The following FHAD1 variants were observed in gnomAD, a reference collection of about 807,000 sequenced individuals.
The protein encoded by FHAD1 is forkhead-associated domain-containing protein 1.
In FHAD1, 146 loss-of-function variants were observed where a neutral mutation model predicts 191.3. That is an observed-to-expected ratio of 0.76 (90% confidence interval 0.67 to 0.88). The LOEUF is 0.88. FHAD1 is among the 40% of genes least tolerant of loss of function. The probability of loss-of-function intolerance (pLI) is 0.00; values close to 1 mark genes in which losing one functional copy is unlikely to be tolerated. For missense variants in FHAD1, 1,635 were observed against 1,785.8 expected (o/e 0.92, Z 1.52); for synonymous variants, 616 against 672.3 (o/e 0.92, Z 1.29).
chr1:15,272,263 C>A, intron 2 of FHAD1, 60 bp from the exon 3 acceptor site: 1 of 1,478,336 alleles, frequency 6.8e-7, no homozygotes, highest in South Asian at 1.2e-5. Context: ...CAGCTCAAAA[C>A]ATTAGGGGCC....
At position 15,362,663 on chromosome 1, in the gene FHAD1, A is replaced by G. The variant is rs988076835; in HGVS notation, c.2984A>G (p.Gln995Arg). 3.2e-6 allele frequency: 5 copies of G among 1,551,694 alleles called. No individual in the cohort carries two copies. The highest frequency in any genetic ancestry group is 4.4e-6 in the Non-Finnish European group (5 of 1,147,004). The change falls in exon 23 of 34, where the codon CAA becomes CGA. Residue 995 changes from glutamine to arginine, a missense_variant. Transcript: ENST00000688493. ...NDPAPKEERP[Q>R]DPLVAPMTES... ...ACAGCCCCAAAGGAGGAAAGGCCGC[A>G]AGACCCTCTGGTGGCTCCCATGACA...
At chr1:15,378,960 C>G (rs1186599844) in intron 28 of FHAD1, among the ~76,000 whole-genome samples, 1 of 152,020 alleles carries the variant, frequency 6.6e-6, no homozygotes. Flanking sequence ...AGCAAGCAGC[C>G]GGCTGAGCAG....
In FHAD1 at chr1:15,329,669, C is replaced by G. The variant is rs1028524172; in HGVS notation, c.1906+128C>G. The stretch of plus-strand genomic sequence containing the variant: ...GCCAAGTCTATTCCCTTCTCCAGAA[C>G]CCCCTGCTTCTCTGCTTGAGGCGTA... On this transcript the variant is annotated intron_variant, in intron 14 of 33. Coordinates refer to ENST00000688493, the MANE Select transcript of FHAD1 (RefSeq NM_001391957.1). This position sits in a 1 kb window ranked among gnomAD's most constrained non-coding sequence, Gnocchi z 5.0. 5 of 737,152 alleles carry G rather than the reference C, an allele frequency of 6.8e-6. No homozygotes were observed. The highest frequency in any genetic ancestry group is 8.5e-6 in the Non-Finnish European group (4 of 470,394). 45.7% of individuals were successfully genotyped at this position (737,152 alleles called of 1,614,324 possible). A position where few individuals can be genotyped will look rare whatever the true frequency, so the allele number is the denominator to read the frequency against.
At position 15,329,240 on chromosome 1, in the gene FHAD1, G is replaced by A. The variant is rs1269334773; in HGVS notation, c.1711-106G>A. ...CCTCCCAAGGCGGCCAATACGTGGC[G>A]CTGCCTGCTTCGTGGCAGAGTCAAG... On this transcript the variant is annotated intron_variant, in intron 13 of 33. Transcript: ENST00000688493. This position sits in a 1 kb window ranked among gnomAD's most constrained non-coding sequence, Gnocchi z 5.0. 19 of 927,008 alleles carry A rather than the reference G, an allele frequency of 2.0e-5. No individual in the cohort carries two copies. The highest frequency in any genetic ancestry group is 9.8e-5 in the South Asian group (4 of 40,888). The allele number at this position is 927,008 out of a possible 1,614,324, so 57.4% of individuals were successfully genotyped here. A position where few individuals can be genotyped will look rare whatever the true frequency, so the allele number is the denominator to read the frequency against.
Position 15,389,447 on chromosome 1 carries a change from C to CAAAAAAAAAAAAAAA in FHAD1, c.4269+1323_4269+1337dup, listed in dbSNP as rs570569622. On this transcript the variant is annotated intron_variant, in intron 32 of 33. Transcript: ENST00000688493. The stretch of plus-strand genomic sequence containing the variant: ...TGAGCAACAGAGGAAGAACCTGTCT[C>CAAAAAAAAAAAAAAA]AAAAAAAAAAAAAAAAAAAAACCTG... Among the ~76,000 whole-genome samples, 84 of 54,222 alleles carry CAAAAAAAAAAAAAAA rather than the reference C, an allele frequency of 1.5e-3. 4 individuals carry two copies. The highest frequency in any genetic ancestry group is 4.9e-3 in the South Asian group (6 of 1,214). The allele number at this position is 54,222 out of a possible 152,430, so 35.6% of individuals were successfully genotyped here.
At chr1:15,348,828 G>A (rs956530835) in intron 18 of FHAD1, among the ~76,000 whole-genome samples, 1 of 152,006 alleles carries the variant, frequency 6.6e-6, no homozygotes, top group Non-Finnish European at 1.5e-5. Flanking sequence ...CCTGCTCCTC[G>A]GTTTCCTCAT....
In FHAD1 at chr1:15,358,432, T is replaced by C. The variant is rs968186855; in HGVS notation, c.2736+149T>C. 7 of 743,908 alleles carry C rather than the reference T, an allele frequency of 9.4e-6. No homozygotes were observed. The Admixed American group carries it at 2.4e-4, about 26-fold the overall frequency. The allele number at this position is 743,908 out of a possible 1,614,324, so 46.1% of individuals were successfully genotyped here. A position where few individuals can be genotyped will look rare whatever the true frequency, so the allele number is the denominator to read the frequency against. On this transcript the variant is annotated intron_variant, in intron 21 of 33. Transcript: ENST00000688493. Reference sequence around the variant, plus strand: ...AGCTCTTTCCTGTCAGGGGCTGTCCTGAGCATCTTAGGATATTTAGCACCA... The same window carrying C: ...AGCTCTTTCCTGTCAGGGGCTGTCCCGAGCATCTTAGGATATTTAGCACCA...
At chr1:15,268,701 G>T (rs1290939291) in intron 2 of FHAD1, among the ~76,000 whole-genome samples, 5 of 150,682 alleles carry the variant, frequency 3.3e-5, no homozygotes, top group African/African-American at 1.2e-4. Flanking sequence ...ACTGGTGTGA[G>T]ATGGTATCTC....
rs533621432 is a variant in FHAD1, at chr1:15,387,192, A to G, written c.4189-859A>G. 9.2e-5 allele frequency among the ~76,000 whole-genome samples: 14 copies of G among 152,242 alleles called. No homozygotes were observed. The East Asian group carries it at 1.4e-3, about 15-fold the overall frequency. ...GCATGAGCCACCACACTCAGCCATCATATCAGTACTGTTTTATACATCATC... is the reference window on the plus strand; with the variant it reads ...GCATGAGCCACCACACTCAGCCATCGTATCAGTACTGTTTTATACATCATC... On this transcript the variant is annotated intron_variant, in intron 31 of 33. Transcript: ENST00000688493.
At position 15,329,838 on chromosome 1, in the gene FHAD1, A is replaced by G. The variant is rs949218663; in HGVS notation, c.1906+297A>G. 2 of 365,178 alleles carry G rather than the reference A, an allele frequency of 5.5e-6. No homozygotes were observed. Among genetic ancestry groups the G allele is most frequent in the East Asian group, 9.8e-5 (2 of 20,494 alleles). 22.6% of individuals were successfully genotyped at this position (365,178 alleles called of 1,614,324 possible). A position where few individuals can be genotyped will look rare whatever the true frequency, so the allele number is the denominator to read the frequency against. ...TGTTTAACCTCCAAGGCATTTTCCC[A>G]TGGAAATAACCGCGTGATTCCAGGC... On this transcript the variant is annotated intron_variant, in intron 14 of 33. Coordinates refer to ENST00000688493, the MANE Select transcript of FHAD1 (RefSeq NM_001391957.1). This position sits in a 1 kb window ranked among gnomAD's most constrained non-coding sequence, Gnocchi z 5.0.
intron 6 of FHAD1, among the ~76,000 whole-genome samples, chr1:15,304,550 A>G (rs1186292252): frequency 6.6e-6 from 1 of 152,224 alleles, no homozygotes; most frequent in Non-Finnish European, 1.5e-5. Context: ...TATACAAACA[A>G]AAGCATTAAG....
Position 15,329,598 on chromosome 1 carries a change from C to A in FHAD1, c.1906+57C>A. ...ATGACTCTAAAATGTCGCGTTGAAT[C>A]TCAGCATGATGGGACATCTGTTGAG... On this transcript the variant is annotated intron_variant, in intron 14 of 33. Coordinates refer to ENST00000688493, the MANE Select transcript of FHAD1 (RefSeq NM_001391957.1). The surrounding 1 kb of genome is among the most constrained non-coding windows in gnomAD (Gnocchi z 5.0). The A allele has an allele frequency of 6.7e-7, 1 of 1,485,940 alleles. No homozygotes were observed. Among genetic ancestry groups the A allele is most frequent in the Non-Finnish European group, 9.2e-7 (1 of 1,089,294 alleles). The allele number at this position is 1,485,940 out of a possible 1,614,324, so 92.0% of individuals were successfully genotyped here. A position where few individuals can be genotyped will look rare whatever the true frequency, so the allele number is the denominator to read the frequency against.
rs1195353428 is a variant in FHAD1 at position 15,329,395 on chromosome 1, A to G, written c.1760A>G (p.Asp587Gly). 33 of 1,550,668 alleles carry G rather than the reference A, an allele frequency of 2.1e-5. No individual in the cohort carries two copies. The East Asian group carries it at 8.1e-4, about 38-fold the overall frequency. The change falls in exon 14 of 34, where the codon GAC becomes GGC. Residue 587 changes from aspartate to glycine, a missense_variant. Physicochemically the swap from Asp to Gly is moderately conservative, Grantham distance 94. Coordinates refer to ENST00000688493, the MANE Select transcript of FHAD1 (RefSeq NM_001391957.1). The surrounding 1 kb of genome is among the most constrained non-coding windows in gnomAD (Gnocchi z 5.0). Reference protein sequence around the residue: ...CCSHDLKKEVDLLQHLQVSPP... With the variant: ...CCSHDLKKEVGLLQHLQVSPP... ...AGCCATGACCTGAAGAAGGAGGTCG[A>G]CCTTCTTCAGCACCTCCAGGTGAGC...
intron 14 of FHAD1, among the ~76,000 whole-genome samples, chr1:15,336,538 C>A (rs759824047): frequency 1.3e-5 from 2 of 152,150 alleles, no homozygotes; most frequent in African/African-American, 4.8e-5. Flanking sequence ...CTTTCTTTGG[C>A]GTCAGCGGCC....
In FHAD1 at chr1:15,352,866, T is replaced by C. The variant is rs570527424; in HGVS notation, c.2455-11T>C. On this transcript the variant is annotated splice_polypyrimidine_tract_variant and intron_variant, in intron 19 of 33. Transcript: ENST00000688493. ...GGCACAGGCCCTCAAACCACTTTCA[T>C]TGACTTCCAGATCTCAGAGAGCAAC... 1.9e-5 allele frequency: 29 copies of C among 1,549,108 alleles called. No individual in the cohort carries two copies. The highest frequency in any genetic ancestry group is 1.2e-4 in the Admixed American group (6 of 50,928).
rs963992956 is a variant in FHAD1 at position 15,328,357 on chromosome 1, G to C, written c.1638G>C (p.Gln546His). ...QKKWTLQKET[Q>H]LSNSKQEETT... is the part of the protein sequence containing the mutation. Reference sequence around the variant, plus strand: ...AGTGGACCCTCCAGAAAGAGACCCAGCTGAGCAACTCCAAGCAGGAGGAGA... The same window carrying C: ...AGTGGACCCTCCAGAAAGAGACCCACCTGAGCAACTCCAAGCAGGAGGAGA... Residue 546 changes from glutamine (Q) to histidine (H), a missense_variant, in exon 13 of 34, where the codon CAG (glutamine) becomes CAC (histidine). By Grantham distance (24) the Gln-to-His change is conservative (BLOSUM62 0). Transcript: ENST00000688493. The C allele has an allele frequency of 1.9e-6, 3 of 1,548,572 alleles. No individual in the cohort carries two copies. Among genetic ancestry groups the C allele is most frequent in the African/African-American group, 2.8e-5 (2 of 72,356 alleles).
intron 3 of FHAD1, among the ~76,000 whole-genome samples, chr1:15,274,835 C>T (rs1657627911): frequency 6.6e-6 from 1 of 152,164 alleles, no homozygotes; most frequent in South Asian, 2.1e-4. Flanking sequence ...AAGTAATTTG[C>T]CCAGGACCAC....
chr1:15,284,624 G>A (rs577888932), intron 3 of FHAD1, among the ~76,000 whole-genome samples: 8 of 152,150 alleles, frequency 5.3e-5, no homozygotes, highest in Non-Finnish European at 1.2e-4. Context: ...CTCCCTTGGC[G>A]TTTTAGGGTG....
At chr1:15,372,341 C>T (rs1214051523) in intron 26 of FHAD1, among the ~76,000 whole-genome samples, 2 of 152,130 alleles carry the variant, frequency 1.3e-5, no homozygotes, top group African/African-American at 4.8e-5. Context: ...AGCACAGGGC[C>T]GGGGATGTGT....
Sources: allele counts gnomAD v4.1 joint callset (sites outside exome capture counted in the v4.1 genomes callset), GRCh38; gene constraint gnomAD v4.1.1; non-coding constraint Gnocchi (gnomAD v3.1); transcripts MANE v1.5; gene names NCBI Gene and HGNC (gene_info 2026-07-23, HGNC 2026-07-21).